Variants in CLDN14 observed in about 807,000 individuals in gnomAD.
The protein encoded by CLDN14 is claudin-14.
Under a neutral mutation model 2.1 loss-of-function variants are expected in CLDN14, and 2 were observed. That is an observed-to-expected ratio of 0.96 (90% CI 0.39 to 3.01). The LOEUF is 3.01. Among genes scored for constraint, CLDN14 ranks in the 30% most tolerant of loss-of-function variants. The pLI is 0.09. For synonymous variants in CLDN14, 136 were observed against 154.4 expected (o/e 0.88, Z 0.88); for missense variants, 298 against 328.0 (o/e 0.91, Z 0.71).
chr21:36,560,762 A>G (rs752934754), intron 1 of CLDN14, among the ~76,000 whole-genome samples: 6 of 152,188 alleles, frequency 3.9e-5, no homozygotes, highest in Non-Finnish European at 8.8e-5. Flanking sequence ...TGTGCAGAAA[A>G]TGTTGCTCTT....
chr21:36,549,581 G>A (rs977229468), intron 1 of CLDN14, among the ~76,000 whole-genome samples: 3 of 152,164 alleles, frequency 2.0e-5, no homozygotes, highest in Non-Finnish European at 2.9e-5. Context: ...AGGAAGGGCC[G>A]GTGGGGCGAG....
At chr21:36,561,158 G>A (rs2087631957) in intron 1 of CLDN14, among the ~76,000 whole-genome samples, 1 of 152,158 alleles carries the variant, frequency 6.6e-6, no homozygotes, top group African/African-American at 2.4e-5. Context: ...CACTCTGAGT[G>A]GTTTAAACAG....
At chr21:36,523,100 C>T (rs4816539) in intron 1 of CLDN14, among the ~76,000 whole-genome samples, 121,109 of 152,040 alleles carry the variant, frequency 0.8, 49,198 homozygotes, top group Middle Eastern at 0.91. Context: ...TTCCTGATCC[C>T]CCCAGTGTCA....
intron 1 of CLDN14, chr21:36,526,170 G>A (rs565795527): frequency 6.6e-6 from 1 of 152,266 alleles, no homozygotes; most frequent in South Asian, 2.1e-4. Flanking sequence ...AGGGTCAGAC[G>A]GTAAATATTT....
chr21:36,508,210 A>AG (rs1462801656), intron 2 of CLDN14, among the ~76,000 whole-genome samples: 12 of 152,262 alleles, frequency 7.9e-5, no homozygotes, highest in African/African-American at 2.6e-4. Context: ...TTCATGTTCT[A>AG]GGGAACAGTT....
At chr21:36,517,709 C>T (rs190852104) in intron 1 of CLDN14, among the ~76,000 whole-genome samples, 1 of 152,292 alleles carries the variant, frequency 6.6e-6, no homozygotes, top group East Asian at 1.9e-4. Flanking sequence ...CAGAGAATTG[C>T]TGTGATTAAT....
chr21:36,576,124 T>TTCTC (rs2087739744), intron 1 of CLDN14, among the ~76,000 whole-genome samples: 1 of 152,262 alleles, frequency 6.6e-6, no homozygotes, highest in Admixed American at 6.5e-5. Flanking sequence ...TTTGCTGACA[T>TTCTC]TCTCTCAAGC....
At chr21:36,483,299 T>C (rs2086865685), upstream of CLDN14, among the ~76,000 whole-genome samples, 1 of 152,164 alleles carries the variant, frequency 6.6e-6, no homozygotes, top group South Asian at 2.1e-4. Context: ...CAGGAGGCCC[T>C]GAGGAGCGAG....
At chr21:36,489,131 A>AAATATATATATATAT in intron 2 of CLDN14, among the ~76,000 whole-genome samples, 6 of 62,750 alleles carry the variant, frequency 9.6e-5, no homozygotes, top group African/African-American at 2.3e-4. Context: ...AAAAAAAAAA[A>AAATATATATATATAT]ATATATATAT....
intron 1 of CLDN14, among the ~76,000 whole-genome samples, chr21:36,463,569 G>A (rs1193550808): frequency 1.3e-5 from 2 of 152,110 alleles, no homozygotes; most frequent in East Asian, 1.9e-4. Context: ...AAAATTAGCT[G>A]ATCGATGGTT....
At chr21:36,531,308 A>G (rs2087378191) in intron 1 of CLDN14, among the ~76,000 whole-genome samples, 1 of 149,702 alleles carries the variant, frequency 6.7e-6, no homozygotes, top group African/African-American at 2.5e-5. Context: ...TTTTTTTGAG[A>G]CAGTCTCACT....
intron 2 of CLDN14, among the ~76,000 whole-genome samples, chr21:36,508,596 C>A (rs532389383): frequency 1.3e-5 from 2 of 152,202 alleles, no homozygotes; most frequent in South Asian, 2.1e-4. Context: ...AGAGGGCAAG[C>A]AAGCACAGAG....
chr21:36,547,947 C>T (rs1318634925), intron 1 of CLDN14, among the ~76,000 whole-genome samples: 1 of 152,250 alleles, frequency 6.6e-6, no homozygotes, highest in African/African-American at 2.4e-5. Flanking sequence ...TCTTTGGAAA[C>T]ATTACCTGGC....
rs1055488212 is a variant in CLDN14 at position 36,571,622 on chromosome 21, G to A, written c.-220+4789C>T. Among the ~76,000 whole-genome samples the A allele has an allele frequency of 2.0e-5, 3 of 152,154 alleles. No homozygotes were observed. The East Asian group carries it at 5.8e-4, about 29-fold the overall frequency. ...TCCAGTGAGATGAAGGGGGTGGTGC[G>A]TGTGAAGGAGTGAACTTCAAACCCA... On this transcript the variant is annotated intron_variant, in intron 1 of 2. Transcript: ENST00000342108.
chr21:36,524,443 C>T (rs1416794694), intron 1 of CLDN14, among the ~76,000 whole-genome samples: 1 of 152,152 alleles, frequency 6.6e-6, no homozygotes, highest in African/African-American at 2.4e-5. Context: ...TTAACCTGCA[C>T]AAGGGAATGG....
intron 2 of CLDN14, among the ~76,000 whole-genome samples, chr21:36,508,057 GA>G (rs1228230933): frequency 5.3e-5 from 8 of 152,232 alleles, no homozygotes; most frequent in African/African-American, 1.9e-4. Flanking sequence ...GAGAGCTGGG[GA>G]AGGAGATTGT....
At chr21:36,510,048 A>G (rs1182539297) in intron 2 of CLDN14, among the ~76,000 whole-genome samples, 1 of 152,206 alleles carries the variant, frequency 6.6e-6, no homozygotes, top group Non-Finnish European at 1.5e-5. Context: ...GCTACAGCAA[A>G]TGGTGTAAAC....
rs1286863886 is a variant in CLDN14, at chr21:36,525,426, G to A, written c.-219-14926C>T. Among the ~76,000 whole-genome samples the A allele has an allele frequency of 2.6e-5, 4 of 151,996 alleles. No homozygotes were observed. The South Asian group carries it at 6.3e-4, about 24-fold the overall frequency. The stretch of plus-strand genomic sequence containing the variant: ...GAAATAAAGACTTGAAGCTGGCAGC[G>A]AGGAGAAAGAAAAGGTTCTGAGGCC... On this transcript the variant is annotated intron_variant, in intron 1 of 2. Coordinates refer to the CLDN14 transcript ENST00000342108.
Position 36,501,332 on chromosome 21 carries a change from CTTTTTT to C in CLDN14, c.-82+9025_-82+9030del, listed in dbSNP as rs58458004. Among the ~76,000 whole-genome samples, 135 of 48,422 alleles carry C rather than the reference CTTTTTT, an allele frequency of 2.8e-3. 1 individual carries two copies. Among genetic ancestry groups the C allele is most frequent in the Non-Finnish European group, 3.3e-3 (76 of 23,296 alleles). 31.8% of individuals were successfully genotyped at this position (48,422 alleles called of 152,430 possible). A position where few individuals can be genotyped will look rare whatever the true frequency, so the allele number is the denominator to read the frequency against. On this transcript the variant is annotated intron_variant, in intron 2 of 2. Transcript: ENST00000342108. Reference sequence around the variant, plus strand: ...AATGGGAGTTTCAGTCAATATCTCACTTTTTTTTTTTTTTTTTTTTTTTTTTTTTTT... The same window carrying C: ...AATGGGAGTTTCAGTCAATATCTCACTTTTTTTTTTTTTTTTTTTTTTTTT...
Sources: allele counts gnomAD v4.1 joint callset (sites outside exome capture counted in the v4.1 genomes callset), GRCh38; gene constraint gnomAD v4.1.1; transcripts MANE v1.5; gene names NCBI Gene and HGNC (gene_info 2026-07-23, HGNC 2026-07-21).